The following HECW2 variants were observed in gnomAD, a reference collection of about 807,000 sequenced individuals.
HECW2 encodes the protein E3 ubiquitin-protein ligase HECW2.
HECW2 carries 61 observed loss-of-function variants against 175.2 expected under a neutral mutation model. The observed-to-expected ratio is 0.35, with a 90% CI of 0.28 to 0.43. HECW2 has a LOEUF of 0.43. Among genes scored for constraint, HECW2 ranks in the 20% least tolerant of loss-of-function variants. HECW2 has a pLI of 1.00. For missense variants in HECW2, 1,524 were observed against 2,000.5 expected, an observed-to-expected ratio of 0.76 and a Z score of 4.54; for synonymous variants, 671 against 731.0, an observed-to-expected ratio of 0.92 and a Z score of 1.32.
chr2:196,379,702 AAC>A (rs1491022490), intron 2 of HECW2, among the ~76,000 whole-genome samples: 2 of 15,424 alleles, frequency 1.3e-4, no homozygotes, highest in East Asian at 7.5e-3. Context: ...AAAAAAAAAA[AAC>A]AAAAAGATTA....
chr2:196,255,444 A>AT (rs1689020915), intron 18 of HECW2, among the ~76,000 whole-genome samples: 1 of 152,122 alleles, frequency 6.6e-6, no homozygotes, highest in Admixed American at 6.6e-5. Flanking sequence ...ATAGAGGTAT[A>AT]TTTTTTACAT....
At chr2:196,511,656 G>A (rs911242052) in intron 1 of HECW2, among the ~76,000 whole-genome samples, 5 of 152,138 alleles carry the variant, frequency 3.3e-5, no homozygotes, top group Non-Finnish European at 7.4e-5. Flanking sequence ...GTGCTATGAG[G>A]AAATATTCCT....
chr2:196,248,619 C>CAGAG (rs1353938102), intron 19 of HECW2, among the ~76,000 whole-genome samples: 1 of 143,378 alleles, frequency 7.0e-6, no homozygotes, highest in African/African-American at 3.0e-5. Context: ...CACACACACA[C>CAGAG]ACACACACAC....
At chr2:196,205,539 T>C (rs1687036835) in intron 28 of HECW2, among the ~76,000 whole-genome samples, 2 of 152,122 alleles carry the variant, frequency 1.3e-5, no homozygotes, top group African/African-American at 4.8e-5. Flanking sequence ...ATGGCTGAGA[T>C]TGAGTCAATC....
At chr2:196,460,523 T>G (rs181476584) in intron 1 of HECW2, among the ~76,000 whole-genome samples, 124 of 152,204 alleles carry the variant, frequency 8.1e-4, no homozygotes, top group African/African-American at 2.9e-3. Flanking sequence ...TTTAGCTTTT[T>G]CTTTTAAAGA....
intron 2 of HECW2, among the ~76,000 whole-genome samples, chr2:196,385,931 C>T (rs1392177196): frequency 6.6e-6 from 1 of 152,094 alleles, no homozygotes; most frequent in Admixed American, 6.6e-5. Flanking sequence ...TGAAAAATGT[C>T]ACAACAGTGT....
At chr2:196,535,115 C>T (rs75573471) in intron 1 of HECW2, among the ~76,000 whole-genome samples, 1,932 of 151,640 alleles carry the variant, frequency 0.013, 43 homozygotes, top group African/African-American at 0.045. Flanking sequence ...CTAAAACTCA[C>T]ATTTAAAGCT....
intron 1 of HECW2, among the ~76,000 whole-genome samples, chr2:196,462,528 A>C (rs1465457062): frequency 6.6e-6 from 1 of 152,174 alleles, no homozygotes; most frequent in Non-Finnish European, 1.5e-5. Context: ...TTAAAACCTA[A>C]TATAATCATT....
At chr2:196,299,690 G>T (rs7573485) in intron 13 of HECW2, among the ~76,000 whole-genome samples, 81,416 of 152,042 alleles carry the variant, frequency 0.54, 25,190 homozygotes, top group East Asian at 0.81. Flanking sequence ...AGCACTTTGG[G>T]AGGCCGAGGT....
At chr2:196,316,460 G>A (rs950552504) in intron 10 of HECW2, 4 of 152,188 alleles carry the variant, frequency 2.6e-5, no homozygotes, top group South Asian at 2.1e-4. Flanking sequence ...TGAGCAAGAA[G>A]GGAAAGCGGT....
At chr2:196,379,142 G>A (rs1456730301) in intron 2 of HECW2, among the ~76,000 whole-genome samples, 1 of 151,594 alleles carries the variant, frequency 6.6e-6, no homozygotes, top group East Asian at 1.9e-4. Context: ...GTTGTCACTG[G>A]CACTGTGAAA....
At chr2:196,540,364 C>T (rs1405441031) in intron 1 of HECW2, among the ~76,000 whole-genome samples, 4 of 152,106 alleles carry the variant, frequency 2.6e-5, no homozygotes, top group Non-Finnish European at 5.9e-5. Flanking sequence ...ATGTCAATGA[C>T]ATTGATCAGA....
intron 1 of HECW2, among the ~76,000 whole-genome samples, chr2:196,469,788 G>C (rs780650654): frequency 1.3e-5 from 2 of 151,704 alleles, no homozygotes; most frequent in Non-Finnish European, 2.9e-5. Flanking sequence ...TAACCAAGAA[G>C]TATATATAGT....
At chr2:196,406,854 C>T (rs1458841845) in intron 2 of HECW2, among the ~76,000 whole-genome samples, 2 of 152,354 alleles carry the variant, frequency 1.3e-5, no homozygotes, top group East Asian at 3.9e-4. Context: ...AAGGTCTTTC[C>T]TGACTCCCAA....
chr2:196,227,360 A>T (rs1250401381), intron 22 of HECW2, among the ~76,000 whole-genome samples: 2 of 152,244 alleles, frequency 1.3e-5, no homozygotes, highest in African/African-American at 4.8e-5. Context: ...GCAGAGATTT[A>T]AAAAAGATGT....
At chr2:196,232,224 T>C (rs1235270095) in intron 21 of HECW2, among the ~76,000 whole-genome samples, 3 of 152,168 alleles carry the variant, frequency 2.0e-5, no homozygotes, top group Admixed American at 6.5e-5. Flanking sequence ...AAATGGGATT[T>C]TGCCTGCTTA....
chr2:196,296,690 G>A (rs1209532750), intron 13 of HECW2, among the ~76,000 whole-genome samples: 1 of 152,298 alleles, frequency 6.6e-6, no homozygotes, highest in East Asian at 1.9e-4. Context: ...ATAGGGGGAG[G>A]TGGAAGGAAG....
chr2:196,255,589 T>C (rs1689025113), intron 18 of HECW2, among the ~76,000 whole-genome samples: 1 of 152,232 alleles, frequency 6.6e-6, no homozygotes, highest in South Asian at 2.1e-4. Context: ...AATTGAATAA[T>C]GTCCTAGAGC....
chr2:196,459,019 G>C (rs1000895086), intron 1 of HECW2, among the ~76,000 whole-genome samples: 1 of 152,144 alleles, frequency 6.6e-6, no homozygotes, highest in African/African-American at 2.4e-5. Context: ...GAATGATTTG[G>C]TCCATGTTCT....
Sources: allele counts gnomAD v4.1 joint callset (sites outside exome capture counted in the v4.1 genomes callset), GRCh38; gene constraint gnomAD v4.1.1; transcripts MANE v1.5; gene names NCBI Gene and HGNC (gene_info 2026-07-23, HGNC 2026-07-21).